The following NAT10 variants were observed in gnomAD, a reference collection of about 807,000 sequenced individuals.
The protein encoded by NAT10 is N-acetyltransferase 10.
Under a neutral mutation model 132.2 loss-of-function variants are expected in NAT10, and 109 were observed. The ratio of observed to expected loss-of-function variants is 0.82; its 90% CI spans 0.71 to 0.97. The LOEUF (loss-of-function observed/expected upper bound fraction) is 0.97. NAT10 is among the 50% of genes least tolerant of loss of function. The probability of loss-of-function intolerance (pLI) is 0.00; values close to 1 mark genes in which losing one functional copy is unlikely to be tolerated. For synonymous variants in NAT10, 479 were observed against 478.0 expected, an observed-to-expected ratio of 1.00 and a Z score of -0.03; for missense variants, 1,184 against 1,263.4, an observed-to-expected ratio of 0.94 and a Z score of 0.95.
chr11:34,112,315 G>A, intron 4 of NAT10, 92 bp downstream of exon 4: 1 of 1,448,562 alleles, frequency 6.9e-7, no homozygotes, highest in Non-Finnish European at 9.5e-7. Context: ...TGTACAGTAA[G>A]GAGAGGAGAG....
At chr11:34,130,641 C>T (rs1268102466) in intron 12 of NAT10, among the ~76,000 whole-genome samples, 172 bp from the exon 13 acceptor site, 2 of 152,192 alleles carry the variant, frequency 1.3e-5, no homozygotes, top group South Asian at 2.1e-4. Context: ...ACCGTGCCAC[C>T]CTGCCTCCTT....
In NAT10 at chr11:34,124,092, C is replaced by T. The variant is rs564854448; in HGVS notation, c.1009-210C>T. On this transcript the variant is annotated intron_variant, in intron 10 of 28. Coordinates refer to ENST00000257829, the MANE Select transcript of NAT10 (RefSeq NM_024662.3). ...GCTGAGGCAGGAGAATCGCTTGAAC[C>T]CGGGAGGCGGAGGTTGCAGTGAGCT... Among the ~76,000 whole-genome samples the T allele has an allele frequency of 2.0e-5, 3 of 152,232 alleles. No individual in the cohort carries two copies. In the South Asian group the frequency reaches 6.2e-4, roughly 32 times the overall value.
chr11:34,142,047 C>CA, intron 26 of NAT10: 1 of 620,326 alleles, frequency 1.6e-6, no homozygotes, highest in Non-Finnish European at 2.8e-6. Context: ...ATGTAGGATT[C>CA]CAGCATCTGT....
intron 28 of NAT10, 51 bp from the exon 29 acceptor site, chr11:34,146,033 A>G (rs1473173856): frequency 1.5e-6 from 2 of 1,304,352 alleles, no homozygotes; most frequent in Middle Eastern, 1.9e-4. Flanking sequence ...GCAGTCTCAG[A>G]TGTTCAGATC....
chr11:34,123,057 A>G (rs1236614269), intron 9 of NAT10, among the ~76,000 whole-genome samples: 1 of 152,226 alleles, frequency 6.6e-6, no homozygotes, highest in Non-Finnish European at 1.5e-5. Flanking sequence ...TGGAAGATAC[A>G]TGCAGCTGCC....
intron 1 of NAT10, chr11:34,107,300 TC>T (rs1851613481): frequency 6.6e-6 from 1 of 152,020 alleles, no homozygotes; most frequent in African/African-American, 2.4e-5. Context: ...GAACCACCAC[TC>T]CCGGCGAGAA....
Position 34,130,964 on chromosome 11 carries a change from G to A in NAT10, c.1369+27G>A, listed in dbSNP as rs747588626. 2.1e-5 allele frequency: 34 copies of A among 1,612,290 alleles called. No homozygotes were observed. The East Asian group carries it at 2.2e-4, about 11-fold the overall frequency. The stretch of plus-strand genomic sequence containing the variant: ...TACCCCAGAACCTGACCCGGGTCCC[G>A]CGGTTCACAGCAAGGCCCTTCAGTC... On this transcript the variant is annotated intron_variant, in intron 13 of 28. Coordinates refer to ENST00000257829, the MANE Select transcript of NAT10 (RefSeq NM_024662.3).
intron 24 of NAT10, 107 bp downstream of exon 24, chr11:34,140,679 C>T: frequency 1.6e-6 from 2 of 1,281,190 alleles, no homozygotes; most frequent in Non-Finnish European, 1.1e-6. Context: ...TTTAATTCCT[C>T]ATACATCTGA....
rs1309213746 is a variant in NAT10 at position 34,140,395 on chromosome 11, G to C, written c.2420-5G>C. The C allele has an allele frequency of 1.2e-6, 2 of 1,611,862 alleles. No individual in the cohort carries two copies. Among genetic ancestry groups the C allele is most frequent in the Admixed American group, 3.3e-5 (2 of 59,978 alleles). ...AACCTGTCTAGCTCTCTATCCCATG[G>C]ACAGCCCTGAGCCGGGAGGAGCTGG... is the stretch of plus-strand genomic sequence containing the variant. On this transcript the variant is annotated splice_polypyrimidine_tract_variant and splice_region_variant and intron_variant, in intron 23 of 28. Transcript: ENST00000257829.
At chr11:34,135,340 A>C in intron 19 of NAT10, 49 bp downstream of exon 19, 2 of 1,529,630 alleles carry the variant, frequency 1.3e-6, no homozygotes, top group Non-Finnish European at 1.8e-6. Context: ...TGGGAGGATA[A>C]TTCTCTGGGT....
intron 1 of NAT10, 40 bp from the exon 2 acceptor site, chr11:34,108,171 A>G (rs1851629073): frequency 4.3e-6 from 6 of 1,383,116 alleles, no homozygotes; most frequent in Non-Finnish European, 6.2e-6. Context: ...TCCTTAGACA[A>G]TCTAGTGCGC....
intron 2 of NAT10, 50 bp from the exon 3 acceptor site, chr11:34,108,692 C>G: frequency 6.5e-7 from 1 of 1,538,034 alleles, no homozygotes; most frequent in East Asian, 2.3e-5. Context: ...GCCTGGCGGT[C>G]TCTAAAGTCT....
chr11:34,141,062 C>T (rs1344927987), intron 24 of NAT10, 27 bp from the exon 25 acceptor site: 2 of 1,613,576 alleles, frequency 1.2e-6, no homozygotes, highest in Non-Finnish European at 1.7e-6. Context: ...TCCTAGAGGC[C>T]CACCCAGCAG....
chr11:34,108,121 AGCACAGTC>A, intron 1 of NAT10, 82 bp from the exon 2 acceptor site: 1 of 806,014 alleles, frequency 1.2e-6, no homozygotes, highest in Non-Finnish European at 2.1e-6. Flanking sequence ...AGATATGCCT[AGCACAGTC>A]CCAGGCCCCA....
chr11:34,109,286 A>C (rs2957485), intron 3 of NAT10, among the ~76,000 whole-genome samples: 151,679 of 152,284 alleles, frequency 1, 75,544 homozygotes, highest in East Asian at 1. Flanking sequence ...CTGGCCACCC[A>C]ATACCCTTTG....
At chr11:34,138,611 C>T (rs752636818) in intron 21 of NAT10, among the ~76,000 whole-genome samples, 23 of 151,912 alleles carry the variant, frequency 1.5e-4, no homozygotes, top group Admixed American at 1.0e-3. Flanking sequence ...GTGTGGTCTG[C>T]GGTGTGTCCG....
chr11:34,114,817 GTTA>G (rs922367198), intron 5 of NAT10, among the ~76,000 whole-genome samples: 3 of 152,108 alleles, frequency 2.0e-5, no homozygotes, highest in African/African-American at 7.2e-5. Context: ...ATGACCTAAA[GTTA>G]TTATTATTAT....
At position 34,134,417 on chromosome 11, in the gene NAT10, A is replaced by C. The variant is rs1432768342; in HGVS notation, c.1833A>C (p.Glu611Asp). ...SGDLIPWTVS[E>D]QFQDPDFGGL... is the part of the protein sequence containing the mutation. ...ACCTGATTCCATGGACAGTGTCAGA[A>C]CAGGTGACGGGCTTTCCCTGGTGTG... is the stretch of plus-strand genomic sequence containing the variant. The change falls in exon 17 of 29, where the codon GAA becomes GAC. Residue 611 changes from glutamate (E) to aspartate (D), a missense_variant. Coordinates refer to ENST00000257829, the MANE Select transcript of NAT10 (RefSeq NM_024662.3). 3 of 1,614,172 alleles carry C rather than the reference A, an allele frequency of 1.9e-6. No individual in the cohort carries two copies. In the Admixed American group the frequency reaches 5.0e-5, roughly 27 times the overall value.
chr11:34,125,988 G>GA (rs1851984528), intron 11 of NAT10, among the ~76,000 whole-genome samples: 1 of 151,942 alleles, frequency 6.6e-6, no homozygotes, highest in Admixed American at 6.6e-5. Context: ...CTCAAAAAAT[G>GA]AAAAAAAGAA....
Sources: gnomAD v4.1 joint callset for allele counts (sites outside exome capture counted in the v4.1 genomes callset) on GRCh38, gnomAD v4.1.1 for gene constraint, MANE v1.5 for transcripts, NCBI Gene and HGNC (gene_info 2026-07-23, HGNC 2026-07-21) for gene names.